ARHGAP22: variants seen among roughly 807,000 people sequenced by gnomAD.
The protein encoded by ARHGAP22 is Rho GTPase activating protein 22, also known as rho GTPase-activating protein 22.
A neutral mutation model predicts 59.1 loss-of-function variants in ARHGAP22; 48 were observed. The observed-to-expected ratio is 0.81, with a 90% CI of 0.64 to 1.03. The LOEUF is 1.03. Among genes scored for constraint, ARHGAP22 ranks in the 50% least tolerant of loss-of-function variants. The pLI, the probability that ARHGAP22 is intolerant of heterozygous loss-of-function variation, is 0.00. For missense variants in ARHGAP22, 1,015 were observed against 958.7 expected (o/e 1.06, Z -0.78); for synonymous variants, 445 against 416.4 (o/e 1.07, Z -0.84).
chr10:48,563,187 ATTTTTTTTTTT>A (rs558735630), intron 2 of ARHGAP22, among the ~76,000 whole-genome samples: 10 of 104,214 alleles, frequency 9.6e-5, no homozygotes, highest in Non-Finnish European at 1.8e-4. Flanking sequence ...ATCCAGGATA[ATTTTTTTTTTT>A]TTTTTTTTTT....
At chr10:48,560,727 G>A (rs2057632660) in intron 2 of ARHGAP22, among the ~76,000 whole-genome samples, 1 of 152,128 alleles carries the variant, frequency 6.6e-6, no homozygotes, top group Admixed American at 6.5e-5. Flanking sequence ...ATTGAATGCT[G>A]TCAGATGCTT....
At chr10:48,500,890 C>CAAAAAAAA (rs60056604) in intron 3 of ARHGAP22, among the ~76,000 whole-genome samples, 1 of 86,546 alleles carries the variant, frequency 1.2e-5, no homozygotes. Context: ...GACTCCGCCT[C>CAAAAAAAA]AAAAAAAAAA....
intron 1 of ARHGAP22, among the ~76,000 whole-genome samples, chr10:48,613,341 T>TA (rs2060964618): frequency 6.6e-6 from 1 of 152,254 alleles, no homozygotes; most frequent in East Asian, 1.9e-4. Context: ...CTATCCCAGT[T>TA]AAAAAAAGAC....
At chr10:48,476,644 G>A (rs951450854) in intron 4 of ARHGAP22, among the ~76,000 whole-genome samples, 11 of 152,320 alleles carry the variant, frequency 7.2e-5, no homozygotes, top group South Asian at 2.1e-4. Context: ...GCCTTTGATG[G>A]CAGTTCCTGT....
At chr10:48,479,278 T>A (rs1464030583) in intron 4 of ARHGAP22, 1 of 327,674 alleles carries the variant, frequency 3.1e-6, no homozygotes, top group East Asian at 6.3e-5. Context: ...CTTTGTGACA[T>A]GTCTCACCCC....
intron 1 of ARHGAP22, among the ~76,000 whole-genome samples, chr10:48,593,769 G>A (rs745597925): frequency 2.0e-5 from 3 of 152,184 alleles, no homozygotes; most frequent in Admixed American, 6.5e-5. Context: ...CTGCAAACAC[G>A]ATACTGTGGA....
chr10:48,455,077 G>C lies in ARHGAP22; in HGVS notation c.717C>G (p.Pro239=), dbSNP rs141947668. 2 of 1,612,330 alleles carry C rather than the reference G, an allele frequency of 1.2e-6. No individual in the cohort carries two copies. Among genetic ancestry groups the C allele is most frequent in the Non-Finnish European group, 1.7e-6 (2 of 1,179,534 alleles). ...ACCTGGCGAAGGGGACCACGGGCTCGGGGAGCTCCCGCAGGTACAGCTTCA... is the reference window on the plus strand; with the variant it reads ...ACCTGGCGAAGGGGACCACGGGCTCCGGGAGCTCCCGCAGGTACAGCTTCA... The part of the protein sequence containing the change: ...SLLKLYLREL[P]EPVVPFARYE... Residue 239 remains proline, a synonymous_variant, in exon 6 of 10, where the codon CCC becomes CCG. Coordinates refer to ENST00000249601, the MANE Select transcript of ARHGAP22 (RefSeq NM_021226.4).
At chr10:48,604,607 A>G (rs928474996) in intron 1 of ARHGAP22, among the ~76,000 whole-genome samples, 156 bp downstream of exon 1, 1 of 152,168 alleles carries the variant, frequency 6.6e-6, no homozygotes, top group South Asian at 2.1e-4. Context: ...TTCACGAGGA[A>G]GGGCACTTCC....
chr10:48,446,479 T>C lies in ARHGAP22; in HGVS notation c.2009A>G (p.Asn670Ser), dbSNP rs1199376001. The change falls in exon 10 of 10, where the codon AAC becomes AGC. Residue 670 changes from asparagine to serine, a missense_variant. Asn to Ser is a conservative substitution (Grantham distance 46). Transcript: ENST00000249601. ...ERAREDAERR[N>S]QLLQREMEEF... ...CTCCATTTCCCTCTGCAACAGCTGG[T>C]TCCTCCTCTCCGCATCCTCCCGCGC... 2 of 1,614,196 alleles carry C rather than the reference T, an allele frequency of 1.2e-6. No individual in the cohort carries two copies. The highest frequency in any genetic ancestry group is 8.5e-7 in the Non-Finnish European group (1 of 1,180,022).
intron 3 of ARHGAP22, among the ~76,000 whole-genome samples, chr10:48,515,437 C>A (rs1475596657): frequency 1.3e-5 from 2 of 152,180 alleles, no homozygotes; most frequent in East Asian, 3.8e-4. Flanking sequence ...CCATAATTCA[C>A]ATGACAAAAA....
At chr10:48,492,818 G>A (rs2050536902) in intron 3 of ARHGAP22, among the ~76,000 whole-genome samples, 1 of 152,150 alleles carries the variant, frequency 6.6e-6, no homozygotes. Flanking sequence ...CTCCCAAAGT[G>A]CTGGGATTAC....
chr10:48,627,849 C>T (rs1212047994), intron 1 of ARHGAP22, among the ~76,000 whole-genome samples: 1 of 152,130 alleles, frequency 6.6e-6, no homozygotes, highest in African/African-American at 2.4e-5. Context: ...CCACCAGGTG[C>T]TCTATTGGAC....
At chr10:48,548,143 A>T (rs907173413) in intron 3 of ARHGAP22, among the ~76,000 whole-genome samples, 2 of 152,038 alleles carry the variant, frequency 1.3e-5, no homozygotes, top group Non-Finnish European at 2.9e-5. Context: ...GCCAGGCGAG[A>T]TTCAACCTTC....
chr10:48,478,692 T>A lies in ARHGAP22; in HGVS notation c.451+944A>T, dbSNP rs562532227. Among the ~76,000 whole-genome samples the A allele has an allele frequency of 2.2e-4, 33 of 152,332 alleles. No individual in the cohort carries two copies. The South Asian group carries it at 6.2e-3, about 29-fold the overall frequency. The stretch of plus-strand genomic sequence containing the variant: ...AAGATCTTTTCATGACCACTTCATA[T>A]GGACACCGACCTAGAGATAGCGACT... On this transcript the variant is annotated intron_variant, in intron 4 of 9. Coordinates refer to ENST00000249601, the MANE Select transcript of ARHGAP22 (RefSeq NM_021226.4).
At chr10:48,584,543 G>A (rs7079676) in intron 1 of ARHGAP22, among the ~76,000 whole-genome samples, 117 of 152,308 alleles carry the variant, frequency 7.7e-4, no homozygotes, top group African/African-American at 2.7e-3. Flanking sequence ...TGAAGGGTGG[G>A]GACTGGAGGA....
At chr10:48,489,661 T>C (rs1479598204) in intron 3 of ARHGAP22, among the ~76,000 whole-genome samples, 1 of 152,212 alleles carries the variant, frequency 6.6e-6, no homozygotes, top group African/African-American at 2.4e-5. Flanking sequence ...TTCCTCTTTT[T>C]TAATTGTCTG....
chr10:48,565,688 T>A (rs2058005783), intron 2 of ARHGAP22, among the ~76,000 whole-genome samples: 1 of 152,190 alleles, frequency 6.6e-6, no homozygotes, highest in Admixed American at 6.5e-5. Flanking sequence ...CTGGTTTCTT[T>A]ATGTGTAAAA....
intron 2 of ARHGAP22, among the ~76,000 whole-genome samples, chr10:48,557,046 C>T (rs1278853625): frequency 2.0e-5 from 3 of 152,234 alleles, no homozygotes; most frequent in African/African-American, 7.2e-5. Flanking sequence ...GAACATCGTC[C>T]TTACCCGCAG....
In ARHGAP22 at chr10:48,450,291, TG is replaced by T; in HGVS notation, c.1837del (p.Gln613SerfsTer9). On this transcript the variant is annotated frameshift_variant, in exon 9 of 10. Coordinates refer to ENST00000249601, the MANE Select transcript of ARHGAP22 (RefSeq NM_021226.4). LOFTEE classifies it low-confidence loss of function (END_TRUNC). ...VTELRAELCR[Q>X]RTEYERSVKR... Reference sequence around the variant, plus strand: ...CACACTCCTCTCGTACTCAGTCCGCTGGCGGCACAGCTCGGCCCTGAGCTCA... The same window carrying T: ...CACACTCCTCTCGTACTCAGTCCGCTGCGGCACAGCTCGGCCCTGAGCTCA... The T allele has an allele frequency of 6.2e-7, 1 of 1,609,588 alleles. No homozygotes were observed. The highest frequency in any genetic ancestry group is 8.5e-7 in the Non-Finnish European group (1 of 1,178,512).
Sources: gnomAD v4.1 joint callset for allele counts (sites outside exome capture counted in the v4.1 genomes callset) on GRCh38, gnomAD v4.1.1 for gene constraint, MANE v1.5 for transcripts, NCBI Gene and HGNC (gene_info 2026-07-23, HGNC 2026-07-21) for gene names.